Variants in PGAP1 observed in about 807,000 individuals in gnomAD.
PGAP1 encodes the protein GPI inositol-deacylase.
In PGAP1, 76 loss-of-function variants were observed where a neutral mutation model predicts 127.0. That is an observed-to-expected ratio of 0.60 (90% CI 0.50 to 0.72). The LOEUF is 0.72. Among genes scored for constraint, PGAP1 ranks in the 30% least tolerant of loss-of-function variants. The pLI, the probability that PGAP1 is intolerant of heterozygous loss-of-function variation, is 0.00. For missense variants in PGAP1, 982 were observed against 1,071.3 expected (o/e 0.92, Z 1.16); for synonymous variants, 362 against 366.5 (o/e 0.99, Z 0.14).
chr2:196,847,137 T>C lies in PGAP1; in HGVS notation c.2016A>G (p.Leu672=). The part of the protein sequence containing the change: ...LLLPELDAVI[L]TCQSMCFPLI... ...GGGGGAAACACATACTCTGACAAGT[T>C]AAAATGACGGCATCTAATTCTGGTA... The change falls in exon 22 of 27, where the codon TTA becomes TTG. Residue 672 remains leucine (L), a synonymous_variant. Coordinates refer to ENST00000354764, the MANE Select transcript of PGAP1 (RefSeq NM_024989.4). 2 of 1,613,354 alleles carry C rather than the reference T, an allele frequency of 1.2e-6. No individual in the cohort carries two copies. The highest frequency in any genetic ancestry group is 8.5e-7 in the Non-Finnish European group (1 of 1,179,560).
intron 20 of PGAP1, among the ~76,000 whole-genome samples, chr2:196,859,908 A>G (rs1255492722): frequency 6.6e-6 from 1 of 152,136 alleles, no homozygotes; most frequent in African/African-American, 2.4e-5. Context: ...ACATTATACA[A>G]AATGGGAAAA....
chr2:196,926,425 G>A, intron 1 of PGAP1, 45 bp downstream of exon 1: 3 of 1,611,640 alleles, frequency 1.9e-6, no homozygotes, highest in Non-Finnish European at 1.7e-6. Context: ...GGCACCAGGG[G>A]CCAGAGTCTT....
chr2:196,886,669 T>C (rs1217064936), intron 10 of PGAP1, among the ~76,000 whole-genome samples: 3 of 152,106 alleles, frequency 2.0e-5, no homozygotes, highest in African/African-American at 7.2e-5. Flanking sequence ...TTTTACTTTA[T>C]CGTTTGAGTT....
chr2:196,868,632 G>A (rs1260584799), intron 19 of PGAP1, among the ~76,000 whole-genome samples: 4 of 152,116 alleles, frequency 2.6e-5, no homozygotes, highest in Admixed American at 6.5e-5. Flanking sequence ...ATTTACTAGC[G>A]TTTATGGAAT....
chr2:196,916,340 T>C (rs914435139), intron 3 of PGAP1, 78 bp downstream of exon 3: 7 of 1,291,338 alleles, frequency 5.4e-6, no homozygotes, highest in Admixed American at 2.8e-5. Flanking sequence ...AAATACATGA[T>C]TTAAAGTATA....
At chr2:196,887,370 C>A (rs866624621) in intron 10 of PGAP1, among the ~76,000 whole-genome samples, 1 of 151,844 alleles carries the variant, frequency 6.6e-6, no homozygotes, top group Non-Finnish European at 1.5e-5. Context: ...GGCGACAGAG[C>A]GAGACTCCAT....
intron 4 of PGAP1, among the ~76,000 whole-genome samples, chr2:196,905,035 T>G (rs1702648209): frequency 1.3e-5 from 2 of 152,150 alleles, no homozygotes; most frequent in Non-Finnish European, 2.9e-5. Flanking sequence ...AGAATAAATA[T>G]AGAATAAAAA....
intron 4 of PGAP1, 52 bp from the exon 5 acceptor site, chr2:196,902,794 CAAT>C: frequency 7.3e-7 from 1 of 1,365,196 alleles, no homozygotes; most frequent in Non-Finnish European, 1.0e-6. Context: ...TTCCCTGAAA[CAAT>C]AAGATATCTA....
chr2:196,846,007 G>A lies in PGAP1; in HGVS notation c.2161C>T (p.Leu721Phe), dbSNP rs1477706519. Reference protein sequence around the residue: ...LWLALKRPSELPKDIKMISPD... With the variant: ...LWLALKRPSEFPKDIKMISPD... ...GATATCATCTTGATATCTTTAGGAA[G>A]TTCAGAGGGTCTGGAATTATAAGAA... Residue 721 changes from leucine (L) to phenylalanine (F), a missense_variant, in exon 23 of 27, where the codon CTT becomes TTT. Physicochemically the swap from Leu to Phe is conservative, Grantham distance 22. Transcript: ENST00000354764. 4 of 1,583,110 alleles carry A rather than the reference G, an allele frequency of 2.5e-6. No homozygotes were observed. The highest frequency in any genetic ancestry group is 1.7e-4 in the Middle Eastern group (1 of 5,966).
chr2:196,848,446 GT>G (rs1194298843), intron 20 of PGAP1, among the ~76,000 whole-genome samples: 1 of 152,078 alleles, frequency 6.6e-6, no homozygotes, highest in African/African-American at 2.4e-5. Flanking sequence ...ACAAAAGAAA[GT>G]TTTCTTTTAA....
At chr2:196,867,323 C>T (rs1319891896) in intron 19 of PGAP1, among the ~76,000 whole-genome samples, 1 of 152,118 alleles carries the variant, frequency 6.6e-6, no homozygotes, top group Non-Finnish European at 1.5e-5. Flanking sequence ...ATGTCCTTTG[C>T]AGGGACATGG....
At chr2:196,902,987 A>G (rs1221295867) in intron 4 of PGAP1, among the ~76,000 whole-genome samples, 1 of 152,138 alleles carries the variant, frequency 6.6e-6, no homozygotes, top group Non-Finnish European at 1.5e-5. Context: ...AAAAAAACAA[A>G]TTTTACTAGC....
At chr2:196,856,329 T>C (rs766802614) in intron 20 of PGAP1, among the ~76,000 whole-genome samples, 1 of 152,192 alleles carries the variant, frequency 6.6e-6, no homozygotes, top group Non-Finnish European at 1.5e-5. Context: ...TCAAGGTTTT[T>C]AAATCTGAGA....
chr2:196,846,231 A>G (rs937816033), intron 22 of PGAP1, among the ~76,000 whole-genome samples: 1 of 152,144 alleles, frequency 6.6e-6, no homozygotes, highest in African/African-American at 2.4e-5. Context: ...TACCATTTTG[A>G]TAATACTATA....
intron 13 of PGAP1, among the ~76,000 whole-genome samples, chr2:196,878,456 G>A (rs1314293320): frequency 1.3e-5 from 2 of 152,058 alleles, no homozygotes; most frequent in African/African-American, 2.4e-5. Context: ...TTTAGATGGC[G>A]CGTCCTCATT....
intron 4 of PGAP1, among the ~76,000 whole-genome samples, chr2:196,903,700 T>C (rs996931536): frequency 2.6e-5 from 4 of 152,222 alleles, no homozygotes; most frequent in Non-Finnish European, 5.9e-5. Flanking sequence ...ACTATGCTGC[T>C]GCTGTGGAAA....
chr2:196,869,730 T>C (rs777302069), intron 19 of PGAP1, among the ~76,000 whole-genome samples: 4 of 152,242 alleles, frequency 2.6e-5, no homozygotes, highest in Admixed American at 6.5e-5. Context: ...ACAAAATTTC[T>C]ATATATTAAC....
chr2:196,914,613 C>T (rs898190292), intron 3 of PGAP1, among the ~76,000 whole-genome samples: 5 of 129,292 alleles, frequency 3.9e-5, no homozygotes, highest in African/African-American at 8.9e-5. Context: ...GAGTGAGACC[C>T]TGTCTCAAAC....
chr2:196,898,239 A>T, intron 6 of PGAP1, 78 bp downstream of exon 6: 1 of 1,034,496 alleles, frequency 9.7e-7, no homozygotes, highest in South Asian at 1.4e-5. Context: ...AAAGTTAACA[A>T]GCCAATTAAA....
Sources: allele counts gnomAD v4.1 joint callset (sites outside exome capture counted in the v4.1 genomes callset), GRCh38; gene constraint gnomAD v4.1.1; transcripts MANE v1.5; gene names NCBI Gene and HGNC (gene_info 2026-07-23, HGNC 2026-07-21).